Variants in FBXL22 observed in about 807,000 individuals in gnomAD.
The protein encoded by FBXL22 is F-box and leucine-rich protein 22.
Under a neutral mutation model 11.7 loss-of-function variants are expected in FBXL22, and 13 were observed. The ratio of observed to expected loss-of-function variants is 1.11; its 90% CI spans 0.73 to 1.77. The LOEUF (loss-of-function observed/expected upper bound fraction) is 1.77. Among genes scored for constraint, FBXL22 ranks in the 40% most tolerant of loss-of-function variants. The pLI is 0.00. For missense variants in FBXL22, 406 were observed against 320.4 expected, an observed-to-expected ratio of 1.27 and a Z score of -2.04; for synonymous variants, 160 against 144.1, an observed-to-expected ratio of 1.11 and a Z score of -0.79.
chr15:63,599,317 A>C, intron 1 of FBXL22: 1 of 1,460,706 alleles, frequency 6.8e-7, no homozygotes, highest in Non-Finnish European at 9.0e-7. Flanking sequence ...TATCAGAATT[A>C]TTCCAAAGAT....
chr15:63,597,868 C>A lies in FBXL22; in HGVS notation c.353+123C>A, dbSNP rs935872685. ...ACCTTCGGGGCGCCTCAAACTAGGC[C>A]CAAGGCAGACATCCAGACCGCCCAA... On this transcript the variant is annotated intron_variant, in intron 1 of 1. Coordinates refer to ENST00000638704, the MANE Select transcript of FBXL22 (RefSeq NM_001367807.1). This position sits in a 1 kb window ranked among gnomAD's most constrained non-coding sequence, Gnocchi z 4.3. 4 of 876,582 alleles carry A rather than the reference C, an allele frequency of 4.6e-6. No homozygotes were observed. The South Asian group carries it at 7.1e-5, about 16-fold the overall frequency. The allele number at this position is 876,582 out of a possible 1,614,324, so 54.3% of individuals were successfully genotyped here.
In FBXL22 at chr15:63,599,043, C is replaced by T. The variant is rs1595794252; in HGVS notation, c.353+1298C>T. ...AGCAAAGGGCTTTGCTGTCAGCACT[C>T]TGCTGAGCCGCTCAGCTCGTCCAAC... is the stretch of plus-strand genomic sequence containing the variant. On this transcript the variant is annotated intron_variant, in intron 1 of 1. Coordinates refer to ENST00000638704, the MANE Select transcript of FBXL22 (RefSeq NM_001367807.1). 18 of 711,058 alleles carry T rather than the reference C, an allele frequency of 2.5e-5. No homozygotes were observed. In the South Asian group the frequency reaches 3.1e-4, roughly 12 times the overall value. 44.0% of individuals were successfully genotyped at this position (711,058 alleles called of 1,614,324 possible).
In FBXL22 at chr15:63,599,186, G is replaced by A. The variant is rs1250339785; in HGVS notation, c.353+1441G>A. On this transcript the variant is annotated intron_variant, in intron 1 of 1. Transcript: ENST00000638704. Reference sequence around the variant, plus strand: ...GGATTAAATGACACAGTGGCACCTGGCACATAGTAGGTACTGATGAACGTC... The same window carrying A: ...GGATTAAATGACACAGTGGCACCTGACACATAGTAGGTACTGATGAACGTC... The A allele has an allele frequency of 3.3e-6, 5 of 1,533,706 alleles. No homozygotes were observed. In the South Asian group the frequency reaches 4.8e-5, roughly 15 times the overall value.
chr15:63,600,302 C>T, intron 1 of FBXL22: 1 of 1,011,364 alleles, frequency 9.9e-7, no homozygotes, highest in Non-Finnish European at 1.2e-6. Context: ...TGAAGCTAGA[C>T]TGGAGCAATC....
downstream of FBXL22, chr15:63,601,329 G>C: frequency 6.3e-7 from 1 of 1,596,666 alleles, no homozygotes. Flanking sequence ...GGAGGCGGGA[G>C]GCGCCTGCAC....
At chr15:63,603,971 G>A (rs1204325879), downstream of FBXL22, among the ~76,000 whole-genome samples, 2 of 152,188 alleles carry the variant, frequency 1.3e-5, no homozygotes, top group Non-Finnish European at 2.9e-5. Flanking sequence ...GCTTCCAGGG[G>A]GTTGAATGTT....
At chr15:63,607,736 C>T in the FBXL22 span, among the ~76,000 whole-genome samples, 10 of 152,200 alleles carry the variant, frequency 6.6e-5, no homozygotes, top group African/African-American at 9.7e-5. Context: ...AGCAGGCTGT[C>T]GGCAAAGACC....
At chr15:63,601,739 A>T, downstream of FBXL22, 2 of 1,553,488 alleles carry the variant, frequency 1.3e-6, no homozygotes, top group Non-Finnish European at 1.7e-6. Flanking sequence ...GCTTACATAA[A>T]CTGCATAGTT....
At chr15:63,600,644 T>C (rs2067352209) in intron 1 of FBXL22, 53 bp from the exon 2 acceptor site, 4 of 1,230,772 alleles carry the variant, frequency 3.2e-6, no homozygotes, top group African/African-American at 3.1e-5. Flanking sequence ...CATGGGGCGG[T>C]TGGGTAGCTT....
Position 63,600,747 on chromosome 15 carries a change from A to C in FBXL22, c.404A>C (p.Asp135Ala), listed in dbSNP as rs2152688712. The stretch of plus-strand genomic sequence containing the variant: ...CTCTCGGGCTGCGGCCACGTTACCG[A>C]CGACTGCCTGGCGCGCCTGCTGCGC... ...VTLSGCGHVTDDCLARLLRCC... is the reference protein window; with the variant it reads ...VTLSGCGHVTADCLARLLRCC... The change falls in exon 2 of 2, where the codon GAC becomes GCC. Residue 135 changes from aspartate to alanine, a missense_variant. Physicochemically the swap from Asp to Ala is moderately radical, Grantham distance 126. Coordinates refer to ENST00000638704, the MANE Select transcript of FBXL22 (RefSeq NM_001367807.1). The C allele has an allele frequency of 1.6e-6, 2 of 1,231,370 alleles. No individual in the cohort carries two copies. Among genetic ancestry groups the C allele is most frequent in the East Asian group, 6.3e-5 (2 of 31,694 alleles). The allele number at this position is 1,231,370 out of a possible 1,614,324, so 76.3% of individuals were successfully genotyped here. A position where few individuals can be genotyped will look rare whatever the true frequency, so the allele number is the denominator to read the frequency against.
chr15:63,599,972 G>A, intron 1 of FBXL22: 5 of 985,794 alleles, frequency 5.1e-6, no homozygotes, highest in Non-Finnish European at 6.0e-6. Context: ...CTTGGCTCAA[G>A]ATCTTTTCTT....
At chr15:63,603,923 T>C (rs2067400702), downstream of FBXL22, among the ~76,000 whole-genome samples, 1 of 152,184 alleles carries the variant, frequency 6.6e-6, no homozygotes, top group African/African-American at 2.4e-5. Flanking sequence ...AACGAATTTT[T>C]CTCCCATTAC....
chr15:63,598,254 C>A (rs928549603), intron 1 of FBXL22, among the ~76,000 whole-genome samples: 11 of 152,156 alleles, frequency 7.2e-5, no homozygotes, highest in African/African-American at 2.4e-4. Flanking sequence ...ACACAGTATT[C>A]CTAAGGAGGG....
In FBXL22 at chr15:63,601,102, C is replaced by G; in HGVS notation, c.*63C>G. The G allele has an allele frequency of 1.5e-6, 2 of 1,298,542 alleles. 1 individual carries two copies. Among genetic ancestry groups the G allele is most frequent in the Middle Eastern group, 5.8e-4 (2 of 3,434 alleles). The allele number at this position is 1,298,542 out of a possible 1,614,324, so 80.4% of individuals were successfully genotyped here. On this transcript the variant is annotated 3_prime_UTR_variant, in exon 2 of 2. Transcript: ENST00000638704. ...CCCCAGACCGTCCTGGCTTCGAACC[C>G]AGCTCTTCCACCTTCAGACCACCAC...
chr15:63,597,687 A>C lies in FBXL22; in HGVS notation c.295A>C (p.Ser99Arg). Residue 99 changes from serine to arginine, a missense_variant, in exon 1 of 2, where the codon AGC becomes CGC. Transcript: ENST00000638704. This position sits in a 1 kb window ranked among gnomAD's most constrained non-coding sequence, Gnocchi z 4.3. ...EDWLKSAFQR[S>R]ICSRHESLVN... ...CTGGCTCAAGAGTGCCTTCCAGAGA[A>C]GCATCTGCAGCCGGCACGAGAGCCT... The C allele has an allele frequency of 6.2e-7, 1 of 1,602,230 alleles. No homozygotes were observed. The highest frequency in any genetic ancestry group is 8.5e-7 in the Non-Finnish European group (1 of 1,171,638).
intron 1 of FBXL22, among the ~76,000 whole-genome samples, chr15:63,598,673 G>A (rs941337071): frequency 2.0e-5 from 3 of 152,226 alleles, no homozygotes; most frequent in Non-Finnish European, 4.4e-5. Context: ...CCAGTTTACT[G>A]CCACCCAAGT....
the FBXL22 span, among the ~76,000 whole-genome samples, chr15:63,607,501 A>C: frequency 6.6e-6 from 1 of 152,230 alleles, no homozygotes; most frequent in African/African-American, 2.4e-5. Context: ...CCAAAGCTGG[A>C]GTCTCTCCCT....
chr15:63,606,482 C>T (rs1220477653), downstream of FBXL22, among the ~76,000 whole-genome samples: 1 of 152,144 alleles, frequency 6.6e-6, no homozygotes, highest in Non-Finnish European at 1.5e-5. Context: ...GAAAGTAAAC[C>T]AAGGGAAGCA....
At chr15:63,603,255 A>G (rs1261357018), downstream of FBXL22, among the ~76,000 whole-genome samples, 1 of 152,200 alleles carries the variant, frequency 6.6e-6, no homozygotes, top group Non-Finnish European at 1.5e-5. Context: ...CACCAGAACA[A>G]AACACACAGA....
Sources: allele counts gnomAD v4.1 joint callset (sites outside exome capture counted in the v4.1 genomes callset), GRCh38; gene constraint gnomAD v4.1.1; non-coding constraint Gnocchi (gnomAD v3.1); transcripts MANE v1.5; gene names NCBI Gene and HGNC (gene_info 2026-07-23, HGNC 2026-07-21).